SYT14: variants seen among roughly 807,000 people sequenced by gnomAD.
The protein encoded by SYT14 is synaptotagmin 14.
In SYT14, 32 loss-of-function variants were observed where a neutral mutation model predicts 74.2. The ratio of observed to expected loss-of-function variants is 0.43; its 90% CI spans 0.33 to 0.58. The LOEUF is 0.58. SYT14 is among the 20% of genes least tolerant of loss of function. The pLI, the probability that SYT14 is intolerant of heterozygous loss-of-function variation, is 0.05. For synonymous variants in SYT14, 298 were observed against 337.7 expected (o/e 0.88, Z 1.29); for missense variants, 791 against 981.8 (o/e 0.81, Z 2.60).
chr1:209,938,710 C>CA (rs1264624001), intron 1 of SYT14, among the ~76,000 whole-genome samples: 1 of 152,136 alleles, frequency 6.6e-6, no homozygotes, highest in Non-Finnish European at 1.5e-5. Flanking sequence ...CATCCTTCCG[C>CA]AATACCCACC....
exon 10 of SYT14, chr1:210,160,829 A>C: frequency 6.2e-7 from 1 of 1,614,028 alleles, no homozygotes; most frequent in Non-Finnish European, 8.5e-7. Context: ...TATATAAGGA[A>C]ACTTTTGTCT....
chr1:210,036,693 T>C (rs2080671452), intron 5 of SYT14, among the ~76,000 whole-genome samples: 2 of 152,088 alleles, frequency 1.3e-5, no homozygotes, highest in South Asian at 2.1e-4. Flanking sequence ...GATGATAATA[T>C]AGTTTTTGTT....
chr1:210,134,022 A>G (rs992691450), intron 7 of SYT14, among the ~76,000 whole-genome samples: 2 of 151,986 alleles, frequency 1.3e-5, no homozygotes, highest in African/African-American at 4.8e-5. Flanking sequence ...AAGGGTTGGC[A>G]CATAGTTACA....
At chr1:209,943,107 C>T (rs1558083016) in intron 1 of SYT14, among the ~76,000 whole-genome samples, 1 of 152,102 alleles carries the variant, frequency 6.6e-6, no homozygotes, top group Non-Finnish European at 1.5e-5. Context: ...AGTTAAAAAA[C>T]CCAATAGATT....
At chr1:210,068,871 C>T (rs2081343169) in intron 5 of SYT14, among the ~76,000 whole-genome samples, 1 of 151,590 alleles carries the variant, frequency 6.6e-6, no homozygotes, top group Non-Finnish European at 1.5e-5. Flanking sequence ...TGGATGCTTA[C>T]TTCATTGTTT....
At chr1:210,042,350 G>T (rs532553687) in intron 5 of SYT14, among the ~76,000 whole-genome samples, 46 of 152,320 alleles carry the variant, frequency 3.0e-4, no homozygotes, top group African/African-American at 1.1e-3. Flanking sequence ...CTTTTGCTGT[G>T]CAGAAGCTCT....
chr1:210,067,332 G>T (rs1472740067), intron 5 of SYT14, among the ~76,000 whole-genome samples: 4 of 151,998 alleles, frequency 2.6e-5, no homozygotes, highest in Non-Finnish European at 4.4e-5. Context: ...TTTTTACAAA[G>T]AATTCGTCTG....
At chr1:209,949,791 T>G (rs2078882992) in intron 1 of SYT14, among the ~76,000 whole-genome samples, 1 of 152,132 alleles carries the variant, frequency 6.6e-6, no homozygotes, top group African/African-American at 2.4e-5. Context: ...TGGTTAGAAT[T>G]TGGGGGACAA....
At position 210,083,239 on chromosome 1, in the gene SYT14, A is replaced by G. The variant is rs143396451; in HGVS notation, c.1313-11083A>G. Among the ~76,000 whole-genome samples the G allele has an allele frequency of 7.6e-3, 1,156 of 152,178 alleles. 11 individuals are homozygous for G. Among genetic ancestry groups the G allele is most frequent in the Non-Finnish European group, 0.012 (796 of 67,984 alleles). On this transcript the variant is annotated intron_variant, in intron 5 of 9. Transcript: ENST00000637265. ...ACTCCTAACCTCAAGTGATCCACCC[A>G]CCTCGGCCTCCCAGAGAGCTGGGAT...
intron 5 of SYT14, among the ~76,000 whole-genome samples, chr1:210,047,371 T>C (rs2080905395): frequency 6.6e-6 from 1 of 152,142 alleles, no homozygotes; most frequent in African/African-American, 2.4e-5. Context: ...ATCCTTTTCT[T>C]GTGTATCCTA....
intron 2 of SYT14, among the ~76,000 whole-genome samples, chr1:209,996,511 C>G (rs774892476): frequency 1.3e-5 from 2 of 152,030 alleles, no homozygotes; most frequent in Non-Finnish European, 2.9e-5. Flanking sequence ...GATTCACAGC[C>G]AAATTCTAAC....
intron 4 of SYT14, among the ~76,000 whole-genome samples, chr1:210,017,613 T>G (rs1321284868): frequency 6.6e-6 from 1 of 152,196 alleles, no homozygotes; most frequent in Non-Finnish European, 1.5e-5. Flanking sequence ...GCCCATACAT[T>G]AAAAATTTTA....
At chr1:209,984,912 A>C (rs1011158259) in intron 2 of SYT14, among the ~76,000 whole-genome samples, 1 of 152,118 alleles carries the variant, frequency 6.6e-6, no homozygotes, top group Non-Finnish European at 1.5e-5. Context: ...TCTTGTGAGT[A>C]CTCACTATTT....
At chr1:209,938,333 G>C (rs1409026638) in intron 1 of SYT14, 56 bp downstream of exon 1, 3 of 1,514,926 alleles carry the variant, frequency 2.0e-6, no homozygotes, top group East Asian at 2.7e-5. Flanking sequence ...CTGGCGGGGG[G>C]CTCGGAGGTG....
intron 1 of SYT14, among the ~76,000 whole-genome samples, chr1:209,948,062 A>T (rs2078850256): frequency 6.6e-6 from 1 of 152,218 alleles, no homozygotes; most frequent in South Asian, 2.1e-4. Flanking sequence ...TCTAGTGTAA[A>T]CATAACTTTT....
At chr1:210,008,728 AG>A (rs2080033270) in intron 2 of SYT14, among the ~76,000 whole-genome samples, 1 of 152,180 alleles carries the variant, frequency 6.6e-6, no homozygotes, top group African/African-American at 2.4e-5. Context: ...ACTTTCCTGC[AG>A]TGGGTGGCCT....
intron 1 of SYT14, among the ~76,000 whole-genome samples, chr1:209,951,252 T>G (rs1389385188): frequency 2.0e-5 from 3 of 152,194 alleles, no homozygotes; most frequent in Admixed American, 2.0e-4. Context: ...TTGTACCCTT[T>G]GCAGTATCTC....
chr1:210,123,964 G>A (rs2082516691), intron 7 of SYT14, among the ~76,000 whole-genome samples: 1 of 152,062 alleles, frequency 6.6e-6, no homozygotes, highest in East Asian at 1.9e-4. Flanking sequence ...TAGAAAAAAG[G>A]GTCTCTTGTA....
intron 5 of SYT14, among the ~76,000 whole-genome samples, chr1:210,073,315 G>T (rs1016998600): frequency 2.0e-5 from 3 of 151,912 alleles, no homozygotes; most frequent in African/African-American, 7.2e-5. Flanking sequence ...AAGCATTTTA[G>T]CTGAATTACA....
Sources: gnomAD v4.1 joint callset for allele counts (sites outside exome capture counted in the v4.1 genomes callset) on GRCh38, gnomAD v4.1.1 for gene constraint, MANE v1.5 for transcripts, NCBI Gene and HGNC (gene_info 2026-07-23, HGNC 2026-07-21) for gene names.